Variants in CLIP2 observed in about 807,000 individuals in gnomAD.
The protein encoded by CLIP2 is CAP-Gly domain containing linker protein 2.
Under a neutral mutation model 111.7 loss-of-function variants are expected in CLIP2, and 41 were observed. The ratio of observed to expected loss-of-function variants is 0.37; its 90% CI spans 0.29 to 0.48. The LOEUF (loss-of-function observed/expected upper bound fraction) is 0.48, where lower values mean the gene tolerates loss of function less well. Among genes scored for constraint, CLIP2 ranks in the 20% least tolerant of loss-of-function variants. The pLI is 0.99. For synonymous variants in CLIP2, 660 were observed against 644.2 expected, an observed-to-expected ratio of 1.02 and a Z score of -0.37; for missense variants, 1,160 against 1,422.1, an observed-to-expected ratio of 0.82 and a Z score of 2.96.
Position 74,351,405 on chromosome 7 carries a change from C to G in CLIP2, c.679-2475C>G, listed in dbSNP as rs765461345. On this transcript the variant is annotated intron_variant, in intron 3 of 16. Transcript: ENST00000223398. ...GGCCAAGGTTGTGGTGAGCCGAGAT[C>G]ACGCCACTGCATTCCAGTGTCAAAA... 1.4e-3 allele frequency among the ~76,000 whole-genome samples: 179 copies of G among 131,766 alleles called. 1 individual carries two copies. The highest frequency in any genetic ancestry group is 4.1e-3 in the Middle Eastern group (1 of 246). The allele number at this position is 131,766 out of a possible 152,430, so 86.4% of individuals were successfully genotyped here. A position where few individuals can be genotyped will look rare whatever the true frequency, so the allele number is the denominator to read the frequency against.
chr7:74,387,400 C>A (rs1791143333), intron 12 of CLIP2, among the ~76,000 whole-genome samples: 1 of 152,134 alleles, frequency 6.6e-6, no homozygotes, highest in Admixed American at 6.6e-5. Context: ...AGGCGCACAC[C>A]ACCACACCCG....
intron 2 of CLIP2, among the ~76,000 whole-genome samples, chr7:74,328,033 G>A (rs535776633): frequency 1.3e-5 from 2 of 152,286 alleles, no homozygotes; most frequent in African/African-American, 2.4e-5. Flanking sequence ...GGACGGTGTG[G>A]GCTGCTGGAG....
chr7:74,324,154 G>C (rs1056064596), intron 2 of CLIP2, among the ~76,000 whole-genome samples: 1 of 152,038 alleles, frequency 6.6e-6, no homozygotes, highest in African/African-American at 2.4e-5. Context: ...CACCATGCCC[G>C]GCTAATTTTG....
rs566066069 is a variant in CLIP2 at position 74,359,423 on chromosome 7, G to A, written c.1216-752G>A. On this transcript the variant is annotated intron_variant, in intron 6 of 16. Coordinates refer to ENST00000223398, the MANE Select transcript of CLIP2 (RefSeq NM_003388.5). Reference sequence around the variant, plus strand: ...GGCTGGAGTGCAGTAGTGTGATCTTGGCTCACTGCAAGCTCCGCCCCCCAG... The same window carrying A: ...GGCTGGAGTGCAGTAGTGTGATCTTAGCTCACTGCAAGCTCCGCCCCCCAG... Among the ~76,000 whole-genome samples, 29 of 142,626 alleles carry A rather than the reference G, an allele frequency of 2.0e-4. 1 individual carries two copies. In the South Asian group the frequency reaches 6.4e-3, roughly 32 times the overall value. The allele number at this position is 142,626 out of a possible 152,430, so 93.6% of individuals were successfully genotyped here. A position where few individuals can be genotyped will look rare whatever the true frequency, so the allele number is the denominator to read the frequency against.
In CLIP2 at chr7:74,380,578, A is replaced by AG. The variant is rs1474881355; in HGVS notation, c.2422-226dup. Reference sequence around the variant, plus strand: ...GGAGGTATTCATGTATAAGCTGCACAGGCGGCCTTCAGCAGAGCTGGGTGC... The same window carrying AG: ...GGAGGTATTCATGTATAAGCTGCACAGGGCGGCCTTCAGCAGAGCTGGGTGC... On this transcript the variant is annotated intron_variant, in intron 10 of 16. Transcript: ENST00000223398. 1.8e-4 allele frequency: 77 copies of AG among 429,944 alleles called. No individual in the cohort carries two copies. In the Admixed American group the frequency reaches 2.8e-3, roughly 16 times the overall value. The allele number at this position is 429,944 out of a possible 1,614,324, so 26.6% of individuals were successfully genotyped here. A position where few individuals can be genotyped will look rare whatever the true frequency, so the allele number is the denominator to read the frequency against.
chr7:74,292,413 A>G (rs569977432), intron 1 of CLIP2, among the ~76,000 whole-genome samples: 82 of 152,156 alleles, frequency 5.4e-4, no homozygotes, highest in African/African-American at 2.0e-3. Context: ...TTGAGACAGC[A>G]TCTTGCTCTG....
intron 16 of CLIP2, among the ~76,000 whole-genome samples, chr7:74,403,160 A>T (rs1791667851): frequency 6.8e-6 from 1 of 147,008 alleles, no homozygotes; most frequent in Non-Finnish European, 1.5e-5. Context: ...CAGAGGTTGC[A>T]GTGAGCCAAG....
Position 74,336,860 on chromosome 7 carries a change from G to GT in CLIP2, c.122-1574dup, listed in dbSNP as rs376463523. On this transcript the variant is annotated intron_variant, in intron 2 of 16. Coordinates refer to ENST00000223398, the MANE Select transcript of CLIP2 (RefSeq NM_003388.5). ...ATTACTATGGTTGTTTGTTTTTTTT[G>GT]TTTTTTTTTTTTTTGTTTTTTTTTG... 5.4e-3 allele frequency among the ~76,000 whole-genome samples: 753 copies of GT among 140,528 alleles called. 4 individuals are homozygous for GT. Among genetic ancestry groups the GT allele is most frequent in the African/African-American group, 0.018 (637 of 35,860 alleles). The allele number at this position is 140,528 out of a possible 152,430, so 92.2% of individuals were successfully genotyped here.
chr7:74,347,432 C>T (rs1789828648), intron 3 of CLIP2, among the ~76,000 whole-genome samples: 2 of 152,104 alleles, frequency 1.3e-5, no homozygotes. Flanking sequence ...CCACGCCTGG[C>T]TAATTTTTTG....
intron 13 of CLIP2, among the ~76,000 whole-genome samples, chr7:74,395,162 T>C (rs1034446320): frequency 6.6e-6 from 1 of 151,618 alleles, no homozygotes; most frequent in East Asian, 1.9e-4. Flanking sequence ...TTTTTCTTCT[T>C]CTTTTTTTTT....
intron 12 of CLIP2, among the ~76,000 whole-genome samples, chr7:74,387,238 T>G (rs117090060): frequency 0.011 from 1,746 of 152,020 alleles, 83 homozygotes; most frequent in Admixed American, 0.082. Context: ...CTGGTTTCTC[T>G]CTCTCTCTCT....
At chr7:74,314,473 A>G (rs1300842843) in intron 1 of CLIP2, among the ~76,000 whole-genome samples, 1 of 152,204 alleles carries the variant, frequency 6.6e-6, no homozygotes, top group Non-Finnish European at 1.5e-5. Context: ...CTTGGGCAAC[A>G]GAGTAAAACC....
chr7:74,334,405 A>T (rs1400498393), intron 2 of CLIP2, among the ~76,000 whole-genome samples: 2 of 151,870 alleles, frequency 1.3e-5, no homozygotes, highest in Non-Finnish European at 2.9e-5. Flanking sequence ...AGTCGGGGAG[A>T]GATTACCTGA....
intron 3 of CLIP2, 139 bp downstream of exon 3, chr7:74,339,143 C>A: frequency 1.4e-6 from 1 of 717,824 alleles, no homozygotes; most frequent in Admixed American, 2.9e-5. Flanking sequence ...GCCTGGGACA[C>A]CCATTCCTTA....
chr7:74,385,122 CAAAA>C (rs71094780), intron 11 of CLIP2, among the ~76,000 whole-genome samples: 1 of 51,612 alleles, frequency 1.9e-5, no homozygotes, highest in Non-Finnish European at 3.7e-5. Context: ...ATTAAAAATA[CAAAA>C]AAAAAAAAAA....
At chr7:74,393,878 C>A (rs1396480191) in intron 13 of CLIP2, among the ~76,000 whole-genome samples, 1 of 152,168 alleles carries the variant, frequency 6.6e-6, no homozygotes, top group Non-Finnish European at 1.5e-5. Flanking sequence ...CTGTGTTTTT[C>A]CAGTAGGAAC....
At chr7:74,329,926 C>T (rs1264024257) in intron 2 of CLIP2, among the ~76,000 whole-genome samples, 6 of 150,882 alleles carry the variant, frequency 4.0e-5, no homozygotes, top group East Asian at 4.0e-4. Context: ...ATTACAAGCG[C>T]GCGCCACCAC....
At chr7:74,306,985 C>T (rs782361149) in intron 1 of CLIP2, among the ~76,000 whole-genome samples, 8 of 152,206 alleles carry the variant, frequency 5.3e-5, no homozygotes, top group South Asian at 2.1e-4. Context: ...CAAGTCCCAG[C>T]GTTTTCCAAG....
chr7:74,352,777 G>A (rs1261845331), intron 3 of CLIP2, among the ~76,000 whole-genome samples: 2 of 151,838 alleles, frequency 1.3e-5, no homozygotes, highest in Non-Finnish European at 2.9e-5. Flanking sequence ...GGGAGGCTGA[G>A]ACAGGAGGAT....
Sources: allele counts gnomAD v4.1 joint callset (sites outside exome capture counted in the v4.1 genomes callset), GRCh38; gene constraint gnomAD v4.1.1; transcripts MANE v1.5; gene names NCBI Gene and HGNC (gene_info 2026-07-23, HGNC 2026-07-21).